Variants in TEKT2 observed in about 807,000 individuals in gnomAD.
TEKT2 encodes the protein tektin 2, also known as tektin-2.
TEKT2 carries 45 observed loss-of-function variants against 49.8 expected under a neutral mutation model. The ratio of observed to expected loss-of-function variants is 0.90; its 90% CI spans 0.71 to 1.16. The LOEUF (loss-of-function observed/expected upper bound fraction) is 1.16. Ranked by LOEUF, TEKT2 falls within the 50% of genes most tolerant of loss-of-function variation. The pLI, the probability that TEKT2 is intolerant of heterozygous loss-of-function variation, is 0.00. For missense variants in TEKT2, 523 were observed against 551.4 expected (o/e 0.95, Z 0.52); for synonymous variants, 202 against 224.6 (o/e 0.90, Z 0.90).
chr1:36,086,608 A>AC, intron 4 of TEKT2, 96 bp from the exon 5 acceptor site: 2 of 1,549,072 alleles, frequency 1.3e-6, no homozygotes, highest in Non-Finnish European at 1.8e-6. Context: ...GGGAAGGGTC[A>AC]CCCCAGCCTC....
chr1:36,087,979 A>C lies in TEKT2; in HGVS notation c.1086A>C (p.Ala362=). ...LKQKLAQAQD[A]LDALCKHLAR... ...TGTCAATGTCCTTCCCTAGGGACGC[A>C]CTGGACGCCCTGTGCAAGCACCTGG... The change falls in exon 10 of 10, where the codon GCA becomes GCC. Residue 362 remains alanine, a synonymous_variant. Coordinates refer to ENST00000207457, the MANE Select transcript of TEKT2 (RefSeq NM_014466.3). This position sits in a 1 kb window ranked among gnomAD's most constrained non-coding sequence, Gnocchi z 4.9. 6.2e-7 allele frequency: 1 copy of C among 1,609,806 alleles called. No individual in the cohort carries two copies. The highest frequency in any genetic ancestry group is 8.5e-7 in the Non-Finnish European group (1 of 1,178,728).
chr1:36,086,605 G>T (rs556844145), intron 4 of TEKT2, 99 bp from the exon 5 acceptor site: 2 of 1,537,842 alleles, frequency 1.3e-6, no homozygotes, highest in African/African-American at 1.4e-5. Context: ...GCTGGGAAGG[G>T]TCACCCCAGC....
rs369396707 is a variant in TEKT2 at position 36,087,406 on chromosome 1, G to C, written c.856-33G>C. ...TGGACCAGGCATGCACGTGAGTCCA[G>C]CAGGTGGAAACCAGTCACTCTGTCC... On this transcript the variant is annotated intron_variant, in intron 7 of 9. Transcript: ENST00000207457. This position sits in a 1 kb window ranked among gnomAD's most constrained non-coding sequence, Gnocchi z 4.9. 3.1e-6 allele frequency: 5 copies of C among 1,613,746 alleles called. No individual in the cohort carries two copies. Among genetic ancestry groups the C allele is most frequent in the Non-Finnish European group, 4.2e-6 (5 of 1,180,018 alleles).
Position 36,087,794 on chromosome 1 carries a change from C to G in TEKT2, c.1066C>G (p.Leu356Val). The change falls in exon 9 of 10, where the codon CTG becomes GTG. Residue 356 changes from leucine to valine, a missense_variant. By Grantham distance (32) the Leu-to-Val change is conservative. Transcript: ENST00000207457. The surrounding 1 kb of genome is among the most constrained non-coding windows in gnomAD (Gnocchi z 4.9). Reference sequence around the variant, plus strand: ...AACCATCGCTGCCCTGAAGCAGAAGCTGGCGCAAGCACAGTAGGTCTCGGG... The same window carrying G: ...AACCATCGCTGCCCTGAAGCAGAAGGTGGCGCAAGCACAGTAGGTCTCGGG... ...EATIAALKQKLAQAQDALDAL... is the reference protein window; with the variant it reads ...EATIAALKQKVAQAQDALDAL... 6.2e-7 allele frequency: 1 copy of G among 1,613,800 alleles called. No homozygotes were observed. Among genetic ancestry groups the G allele is most frequent in the Non-Finnish European group, 8.5e-7 (1 of 1,180,020 alleles).
rs2124039621 is a variant in TEKT2 at position 36,087,149 on chromosome 1, T to C, written c.748-55T>C. The stretch of plus-strand genomic sequence containing the variant: ...CCCCCTGCCCCTCGCTTGAGTAATA[T>C]CCTCAGGCAGCCCTGAGTGTAGACC... On this transcript the variant is annotated intron_variant, in intron 6 of 9. Coordinates refer to ENST00000207457, the MANE Select transcript of TEKT2 (RefSeq NM_014466.3). This position sits in a 1 kb window ranked among gnomAD's most constrained non-coding sequence, Gnocchi z 4.9. 6.2e-7 allele frequency: 1 copy of C among 1,607,760 alleles called. No homozygotes were observed. Among genetic ancestry groups the C allele is most frequent in the Non-Finnish European group, 8.5e-7 (1 of 1,174,598 alleles).
Position 36,087,359 on chromosome 1 carries a change from G to A in TEKT2, c.855+48G>A, listed in dbSNP as rs371362002. ...ACTTCCTGCTGTGGGATGAGAAGCC[G>A]CATGCCCCCGCCAGGAGGCACTGGA... On this transcript the variant is annotated intron_variant, in intron 7 of 9. Transcript: ENST00000207457. The surrounding 1 kb of genome is among the most constrained non-coding windows in gnomAD (Gnocchi z 4.9). 10 of 1,613,372 alleles carry A rather than the reference G, an allele frequency of 6.2e-6. No individual in the cohort carries two copies. The highest frequency in any genetic ancestry group is 2.2e-5 in the East Asian group (1 of 44,840).
At chr1:36,085,402 C>CACTG (rs1643353795) in intron 3 of TEKT2, 114 bp downstream of exon 3, 1 of 1,524,742 alleles carries the variant, frequency 6.6e-7, no homozygotes, top group Admixed American at 1.8e-5. Flanking sequence ...CCATCCGAGT[C>CACTG]ACTGGCCCCC....
Position 36,088,001 on chromosome 1 carries a change from C to T in TEKT2, c.1108C>T (p.Leu370=). 6.2e-7 allele frequency: 1 copy of T among 1,611,646 alleles called. No individual in the cohort carries two copies. Among genetic ancestry groups the T allele is most frequent in the Non-Finnish European group, 8.5e-7 (1 of 1,179,502 alleles). The stretch of plus-strand genomic sequence containing the variant: ...CGCACTGGACGCCCTGTGCAAGCAC[C>T]TGGCCCGGCTGCAGGCTGACATTGC... ...QDALDALCKH[L]ARLQADIACK... is the part of the protein sequence containing the mutation. The change falls in exon 10 of 10, where the codon CTG becomes TTG. Residue 370 remains leucine (L), a synonymous_variant. Transcript: ENST00000207457.
intron 4 of TEKT2, 53 bp downstream of exon 4, chr1:36,086,094 C>A (rs1643369017): frequency 2.0e-6 from 3 of 1,537,652 alleles, no homozygotes; most frequent in Non-Finnish European, 2.6e-6. Flanking sequence ...AGGCTGTGTG[C>A]CTTCAATGTG....
chr1:36,087,131 C>A lies in TEKT2; in HGVS notation c.748-73C>A, dbSNP rs1643391424. The stretch of plus-strand genomic sequence containing the variant: ...TCCCTGCTGTGCATGTGGCCCCCTG[C>A]CCCTCGCTTGAGTAATATCCTCAGG... On this transcript the variant is annotated intron_variant, in intron 6 of 9. Coordinates refer to ENST00000207457, the MANE Select transcript of TEKT2 (RefSeq NM_014466.3). The surrounding 1 kb of genome is among the most constrained non-coding windows in gnomAD (Gnocchi z 4.9). The A allele has an allele frequency of 1.2e-6, 2 of 1,604,568 alleles. No individual in the cohort carries two copies. Among genetic ancestry groups the A allele is most frequent in the Non-Finnish European group, 8.5e-7 (1 of 1,172,546 alleles).
At position 36,086,732 on chromosome 1, in the gene TEKT2, A is replaced by G. The variant is rs144696207; in HGVS notation, c.517A>G (p.Asn173Asp). 3 of 1,613,920 alleles carry G rather than the reference A, an allele frequency of 1.9e-6. No homozygotes were observed. The highest frequency in any genetic ancestry group is 1.7e-6 in the Non-Finnish European group (2 of 1,179,996). The change falls in exon 5 of 10, where the codon AAC (asparagine) becomes GAC (aspartate). Residue 173 changes from asparagine to aspartate, a missense_variant. Coordinates refer to ENST00000207457, the MANE Select transcript of TEKT2 (RefSeq NM_014466.3). The part of the protein sequence containing the change: ...CLLQEVQQQL[N>D]SDHRGKMETL... ...CTTGCAGGAAGTCCAACAGCAGCTC[A>G]ACTCCGACCATCGGGGCAAAATGGA... is the stretch of plus-strand genomic sequence containing the variant.
rs1557728519 is a variant in TEKT2 at position 36,084,554 on chromosome 1, A to AT, written c.-52-309dup. ...AGGTGTGGAAAATGCATTAAGGGCA[A>AT]TTTTTTTCTGCCATCCGCCTACCCC... On this transcript the variant is annotated intron_variant, in intron 1 of 9. Transcript: ENST00000207457. This position sits in a 1 kb window ranked among gnomAD's most constrained non-coding sequence, Gnocchi z 4.1. 6 of 371,628 alleles carry AT rather than the reference A, an allele frequency of 1.6e-5. No homozygotes were observed. Among genetic ancestry groups the AT allele is most frequent in the Admixed American group, 4.1e-5 (1 of 24,668 alleles). The allele number at this position is 371,628 out of a possible 1,614,324, so 23.0% of individuals were successfully genotyped here.
chr1:36,087,008 C>T lies in TEKT2; in HGVS notation c.710C>T (p.Thr237Ile). 6.2e-7 allele frequency: 1 copy of T among 1,614,064 alleles called. No individual in the cohort carries two copies. Among genetic ancestry groups the T allele is most frequent in the Non-Finnish European group, 8.5e-7 (1 of 1,180,044 alleles). ...DRAEAEMKAATELREATALTI... is the reference protein window; with the variant it reads ...DRAEAEMKAAIELREATALTI... ...GCGGAGGCTGAGATGAAGGCAGCCA[C>T]AGAGCTGAGGGAGGCCACTGCTCTA... Residue 237 changes from threonine to isoleucine, a missense_variant, in exon 6 of 10, where the codon ACA becomes ATA. Coordinates refer to ENST00000207457, the MANE Select transcript of TEKT2 (RefSeq NM_014466.3). The surrounding 1 kb of genome is among the most constrained non-coding windows in gnomAD (Gnocchi z 4.9).
Position 36,085,901 on chromosome 1 carries a change from C to A in TEKT2, c.348C>A (p.Cys116Ter). 6.2e-7 allele frequency: 1 copy of A among 1,614,034 alleles called. No individual in the cohort carries two copies. The highest frequency in any genetic ancestry group is 8.5e-7 in the Non-Finnish European group (1 of 1,179,998). The change falls in exon 4 of 10, where the codon TGC becomes TGA. Residue 116 changes from cysteine to a stop codon, truncating the protein, a stop_gained. Transcript: ENST00000207457. LOFTEE classifies it high-confidence loss of function. ...TGCCTCTGGATGTGGCCATTGAGTG[C>A]CTGACCCTGCGGGAAAGCCGGCGAG... is the stretch of plus-strand genomic sequence containing the variant. ...KNLPLDVAIE[C>*]LTLRESRRDI...
In TEKT2 at chr1:36,087,080, G is replaced by C. The variant is rs1643390230; in HGVS notation, c.747+35G>C. On this transcript the variant is annotated intron_variant, in intron 6 of 9. Coordinates refer to ENST00000207457, the MANE Select transcript of TEKT2 (RefSeq NM_014466.3). The surrounding 1 kb of genome is among the most constrained non-coding windows in gnomAD (Gnocchi z 4.9). ...CACCCACAGCTAATGGATGGTCCCA[G>C]TGTGCGCTCAGCCCTTATCTTCTGT... The C allele has an allele frequency of 6.2e-7, 1 of 1,609,852 alleles. No individual in the cohort carries two copies. The highest frequency in any genetic ancestry group is 8.5e-7 in the Non-Finnish European group (1 of 1,177,210).
intron 4 of TEKT2, among the ~76,000 whole-genome samples, 158 bp downstream of exon 4, chr1:36,086,199 T>C (rs544655982): frequency 6.6e-6 from 1 of 152,320 alleles, no homozygotes; most frequent in East Asian, 1.9e-4. Context: ...ATTGTAGCAC[T>C]CTTCCCACTG....
At chr1:36,086,114 T>C in intron 4 of TEKT2, 73 bp downstream of exon 4, 1 of 1,501,864 alleles carries the variant, frequency 6.7e-7, no homozygotes, top group Non-Finnish European at 9.1e-7. Flanking sequence ...GGAACACAGG[T>C]ATTGTGGATG....
rs376264521 is a variant in TEKT2, at chr1:36,085,001, A to C, written c.80A>C (p.Asn27Thr). 6 of 1,613,982 alleles carry C rather than the reference A, an allele frequency of 3.7e-6. No homozygotes were observed. Among genetic ancestry groups the C allele is most frequent in the Non-Finnish European group, 5.1e-6 (6 of 1,180,024 alleles). ...WHTNSYLLST[N>T]AQLQRDASHQ... Reference sequence around the variant, plus strand: ...ACTAACAGCTACCTGCTATCCACCAATGCCCAGCTGCAGCGAGATGCTTCC... The same window carrying C: ...ACTAACAGCTACCTGCTATCCACCACTGCCCAGCTGCAGCGAGATGCTTCC... Residue 27 changes from asparagine (N) to threonine (T), a missense_variant, in exon 2 of 10, where the codon AAT becomes ACT. Transcript: ENST00000207457.
rs80034350 is a variant in TEKT2 at position 36,084,643 on chromosome 1, G to C, written c.-52-227G>C. The C allele has an allele frequency of 0.05, 28,013 of 558,020 alleles. 2,912 individuals are homozygous for C. Among genetic ancestry groups the C allele is most frequent in the East Asian group, 0.33 (10,423 of 32,002 alleles). The allele number at this position is 558,020 out of a possible 1,614,324, so 34.6% of individuals were successfully genotyped here. A position where few individuals can be genotyped will look rare whatever the true frequency, so the allele number is the denominator to read the frequency against. Reference sequence around the variant, plus strand: ...GGGACTCCATTATTCCTTTTTACCTGCTCCAGGACCTGCAAGGTCCAGGGG... The same window carrying C: ...GGGACTCCATTATTCCTTTTTACCTCCTCCAGGACCTGCAAGGTCCAGGGG... On this transcript the variant is annotated intron_variant, in intron 1 of 9. Transcript: ENST00000207457. This position sits in a 1 kb window ranked among gnomAD's most constrained non-coding sequence, Gnocchi z 4.1.
Sources: allele counts gnomAD v4.1 joint callset (sites outside exome capture counted in the v4.1 genomes callset), GRCh38; gene constraint gnomAD v4.1.1; non-coding constraint Gnocchi (gnomAD v3.1); transcripts MANE v1.5; gene names NCBI Gene and HGNC (gene_info 2026-07-23, HGNC 2026-07-21).